The following SHROOM4 variants were observed in gnomAD, a reference collection of about 807,000 sequenced individuals.
SHROOM4 encodes the protein shroom family member 4, also known as protein Shroom4.
Under a neutral mutation model 80.3 loss-of-function variants are expected in SHROOM4, and 17 were observed. The observed-to-expected ratio is 0.21, with a 90% confidence interval of 0.14 to 0.32. The LOEUF (loss-of-function observed/expected upper bound fraction) is 0.32, where lower values mean the gene tolerates loss of function less well. Ranked by LOEUF, SHROOM4 falls within the 10% of genes least tolerant of loss-of-function variation. The probability of loss-of-function intolerance (pLI) is 1.00; values close to 1 mark genes in which losing one functional copy is unlikely to be tolerated. For synonymous variants in SHROOM4, 400 were observed against 437.5 expected (o/e 0.91, Z 1.07); for missense variants, 993 against 1,140.3 (o/e 0.87, Z 1.86).
At chrX:50,668,154 T>G (rs782561491) in intron 2 of SHROOM4, among the ~76,000 whole-genome samples, 47 of 112,005 alleles carry the variant, frequency 4.2e-4, no homozygotes, top group African/African-American at 1.2e-3. Context: ...ATAACAAGTC[T>G]CCTACTCATG....
chrX:50,656,331 G>A, intron 2 of SHROOM4, among the ~76,000 whole-genome samples: 1 of 112,083 alleles, frequency 8.9e-6, no homozygotes, highest in Non-Finnish European at 1.9e-5. Context: ...CTTTGCCAAA[G>A]CCAAATGTCA....
At chrX:50,615,017 T>C (rs782655863) in intron 5 of SHROOM4, among the ~76,000 whole-genome samples, 1 of 111,535 alleles carries the variant, frequency 9.0e-6, no homozygotes, top group Non-Finnish European at 1.9e-5. Flanking sequence ...ACACGTTACT[T>C]TTCTGGAAGG....
intron 5 of SHROOM4, among the ~76,000 whole-genome samples, chrX:50,618,559 T>C (rs1602373052): frequency 9.1e-6 from 1 of 109,529 alleles, no homozygotes; most frequent in Non-Finnish European, 1.9e-5. Context: ...AGCTAATTTT[T>C]GTATTTTTAG....
chrX:50,618,363 C>T (rs1930392404), intron 5 of SHROOM4, among the ~76,000 whole-genome samples: 1 of 30,131 alleles, frequency 3.3e-5, no homozygotes, highest in Non-Finnish European at 5.5e-5. Flanking sequence ...TTCCTTCCTT[C>T]CTTCCTTCCT....
intron 1 of SHROOM4, among the ~76,000 whole-genome samples, chrX:50,706,212 C>T (rs1933672122): frequency 1.8e-5 from 2 of 111,996 alleles, no homozygotes; most frequent in African/African-American, 3.3e-5. Context: ...CCTGACCAAC[C>T]ACATAAAGAA....
chrX:50,607,583 T>C lies in SHROOM4; in HGVS notation c.3559A>G (p.Ser1187Gly). 1 of 1,211,579 alleles carries C rather than the reference T, an allele frequency of 8.3e-7. No homozygotes were observed. Among genetic ancestry groups the C allele is most frequent in the South Asian group, 1.8e-5 (1 of 56,946 alleles). Residue 1187 changes from serine to glycine, a missense_variant, in exon 6 of 9, where the codon AGC becomes GGC. Coordinates refer to ENST00000376020, the MANE Select transcript of SHROOM4 (RefSeq NM_020717.5). Reference protein sequence around the residue: ...EEVLEQPQPLSFGHLEGSRQG... With the variant: ...EEVLEQPQPLGFGHLEGSRQG... ...CTCGAGCCCTCCAGGTGGCCAAAGC[T>C]GAGGGGTTGTGGCTGCTCTAGGACC...
intron 5 of SHROOM4, among the ~76,000 whole-genome samples, chrX:50,612,198 ACC>A (rs1309179444): frequency 9.1e-6 from 1 of 110,058 alleles, no homozygotes; most frequent in Non-Finnish European, 1.9e-5. Context: ...AAAAAAAAAC[ACC>A]CAAATGCACA....
intron 1 of SHROOM4, among the ~76,000 whole-genome samples, chrX:50,805,954 G>A (rs1200386656): frequency 1.5e-4 from 7 of 45,413 alleles, no homozygotes; most frequent in Admixed American, 3.4e-4. Flanking sequence ...ACCCCTCCCC[G>A]CCACCACTGG....
At chrX:50,775,073 T>C (rs1935476395) in intron 1 of SHROOM4, among the ~76,000 whole-genome samples, 2 of 111,839 alleles carry the variant, frequency 1.8e-5, no homozygotes, top group South Asian at 7.5e-4. Flanking sequence ...GAAGGGCCTG[T>C]GAGCAAGTGG....
At chrX:50,668,823 CA>C (rs1250629991) in intron 2 of SHROOM4, among the ~76,000 whole-genome samples, 4 of 112,404 alleles carry the variant, frequency 3.6e-5, no homozygotes, top group Non-Finnish European at 7.5e-5. Context: ...CTTAAAAATA[CA>C]ATATTCAAAA....
At chrX:50,704,919 TGGA>T (rs1185224544) in intron 1 of SHROOM4, among the ~76,000 whole-genome samples, 2 of 111,420 alleles carry the variant, frequency 1.8e-5, no homozygotes, top group Non-Finnish European at 3.8e-5. Flanking sequence ...CAGTGGGAGG[TGGA>T]GGAGGAGAAA....
chrX:50,716,898 C>CT (rs1412037517), intron 1 of SHROOM4, among the ~76,000 whole-genome samples: 1 of 112,706 alleles, frequency 8.9e-6, no homozygotes, highest in African/African-American at 3.2e-5. Flanking sequence ...TAAAGCCTGC[C>CT]TCTTCCCTAG....
chrX:50,726,868 C>T (rs1188976021), intron 1 of SHROOM4, among the ~76,000 whole-genome samples: 1 of 112,719 alleles, frequency 8.9e-6, no homozygotes. Flanking sequence ...GGGGCACTGC[C>T]TATTGGAGCT....
chrX:50,722,465 C>T (rs1934138078), intron 1 of SHROOM4, among the ~76,000 whole-genome samples: 1 of 110,821 alleles, frequency 9.0e-6, no homozygotes, highest in Non-Finnish European at 1.9e-5. Flanking sequence ...TAAACCCCAG[C>T]GCAGCCCTAA....
intron 2 of SHROOM4, among the ~76,000 whole-genome samples, chrX:50,662,637 T>C (rs1255753547): frequency 8.9e-6 from 1 of 112,495 alleles, no homozygotes; most frequent in African/African-American, 3.2e-5. Context: ...GTATATCAGC[T>C]CATTTACTCA....
At chrX:50,774,630 A>C (rs1322642888) in intron 1 of SHROOM4, among the ~76,000 whole-genome samples, 3 of 110,037 alleles carry the variant, frequency 2.7e-5, no homozygotes, top group Non-Finnish European at 5.7e-5. Flanking sequence ...CCTTACAAAA[A>C]AATTCTGATG....
rs781846867 is a variant in SHROOM4 at position 50,655,588 on chromosome X, C to A, written c.270-17280G>T. ...AAATATATATTATATAACATATTTT[C>A]TTTATTCATCATCTTTATTCATCAT... On this transcript the variant is annotated intron_variant, in intron 2 of 8. Coordinates refer to ENST00000376020, the MANE Select transcript of SHROOM4 (RefSeq NM_020717.5). 2.4e-4 allele frequency among the ~76,000 whole-genome samples: 25 copies of A among 103,040 alleles called. No individual in the cohort carries two copies. The East Asian group carries it at 6.7e-3, about 28-fold the overall frequency. The allele number at this position is 103,040 out of a possible 115,157, so 89.5% of individuals were successfully genotyped here.
At chrX:50,728,265 A>G (rs1373202477) in intron 1 of SHROOM4, among the ~76,000 whole-genome samples, 4 of 111,456 alleles carry the variant, frequency 3.6e-5, no homozygotes, top group Non-Finnish European at 7.5e-5. Flanking sequence ...AGGCTGAGGC[A>G]GGAGAATGGT....
intron 1 of SHROOM4, among the ~76,000 whole-genome samples, chrX:50,775,636 G>T (rs782018365): frequency 1.8e-5 from 2 of 112,131 alleles, no homozygotes; most frequent in South Asian, 7.5e-4. Flanking sequence ...CAGGTAAGGG[G>T]GATGTTGAAG....
Sources: gnomAD v4.1 joint callset for allele counts (sites outside exome capture counted in the v4.1 genomes callset) on GRCh38, gnomAD v4.1.1 for gene constraint, MANE v1.5 for transcripts, NCBI Gene and HGNC (gene_info 2026-07-23, HGNC 2026-07-21) for gene names.